Variants in GRIK2 observed in about 807,000 individuals in gnomAD.
GRIK2 encodes the protein glutamate receptor ionotropic, kainate 2.
In GRIK2, 32 loss-of-function variants were observed where a neutral mutation model predicts 100.3. The ratio of observed to expected loss-of-function variants is 0.32; its 90% confidence interval spans 0.24 to 0.43. The LOEUF (loss-of-function observed/expected upper bound fraction) is 0.43, where lower values mean the gene tolerates loss of function less well. GRIK2 is among the 20% of genes least tolerant of loss of function. The pLI, the probability that GRIK2 is intolerant of heterozygous loss-of-function variation, is 1.00. For synonymous variants in GRIK2, 417 were observed against 389.4 expected, an observed-to-expected ratio of 1.07 and a Z score of -0.83; for missense variants, 843 against 1,114.9, an observed-to-expected ratio of 0.76 and a Z score of 3.47.
intron 14 of GRIK2, among the ~76,000 whole-genome samples, chr6:102,017,472 T>C (rs1769173205): frequency 6.6e-6 from 1 of 152,104 alleles, no homozygotes; most frequent in Admixed American, 6.6e-5. Flanking sequence ...CAATTGCATA[T>C]GATATTCCTA....
chr6:101,489,129 G>A (rs1772975543), intron 2 of GRIK2, among the ~76,000 whole-genome samples: 1 of 146,336 alleles, frequency 6.8e-6, no homozygotes, highest in Non-Finnish European at 1.5e-5. Flanking sequence ...CCATTCTGCT[G>A]TTTTTCAAAT....
intron 12 of GRIK2, among the ~76,000 whole-genome samples, chr6:101,901,863 T>C (rs1405655469): frequency 6.6e-6 from 1 of 151,986 alleles, no homozygotes; most frequent in Non-Finnish European, 1.5e-5. Flanking sequence ...CACTAAGCCT[T>C]TCAAATTCAT....
intron 14 of GRIK2, among the ~76,000 whole-genome samples, chr6:102,018,771 T>C (rs1282420237): frequency 6.6e-6 from 1 of 152,070 alleles, no homozygotes; most frequent in African/African-American, 2.4e-5. Context: ...TGGTAAGACA[T>C]AATAAAGACT....
At chr6:101,851,458 T>A (rs183784388) in intron 10 of GRIK2, among the ~76,000 whole-genome samples, 1 of 152,098 alleles carries the variant, frequency 6.6e-6, no homozygotes, top group Admixed American at 6.6e-5. Flanking sequence ...AAAAAGTACT[T>A]AGGAATATAA....
chr6:101,833,096 TTTTTC>T lies in GRIK2; in HGVS notation c.1317+14616_1317+14620del, dbSNP rs546415056. 9.8e-5 allele frequency among the ~76,000 whole-genome samples: 15 copies of T among 152,332 alleles called. 1 individual carries two copies. Among genetic ancestry groups the T allele is most frequent in the Middle Eastern group, 6.8e-3 (2 of 294 alleles). ...TAGAAAAATATCTTATTTTTGAATT[TTTTTC>T]TTATCTTGAGTCAATTTATGGAAAT... On this transcript the variant is annotated intron_variant, in intron 10 of 16. Transcript: ENST00000369134.
chr6:101,562,550 C>T (rs531281626), intron 2 of GRIK2, among the ~76,000 whole-genome samples: 24 of 152,008 alleles, frequency 1.6e-4, no homozygotes, highest in African/African-American at 5.5e-4. Context: ...TTCATGTTGG[C>T]CAGGCTGGTC....
chr6:101,854,048 C>T (rs1308414188), intron 10 of GRIK2, among the ~76,000 whole-genome samples: 2 of 152,068 alleles, frequency 1.3e-5, no homozygotes, highest in African/African-American at 2.4e-5. Flanking sequence ...AAATAGACAA[C>T]ACCAAGAATG....
intron 10 of GRIK2, among the ~76,000 whole-genome samples, chr6:101,843,351 C>G (rs1398542248): frequency 6.6e-6 from 1 of 152,114 alleles, no homozygotes; most frequent in African/African-American, 2.4e-5. Context: ...CTTTCTTGCT[C>G]CACACTTTTC....
chr6:101,587,233 T>C (rs1778421187), intron 2 of GRIK2, among the ~76,000 whole-genome samples: 1 of 151,894 alleles, frequency 6.6e-6, no homozygotes, highest in African/African-American at 2.4e-5. Flanking sequence ...TAAGAGATGG[T>C]TTAAAGGGAC....
intron 14 of GRIK2, among the ~76,000 whole-genome samples, chr6:102,006,390 A>ATATATTTTTTTTTTTTTT (rs1315524835): frequency 8.8e-6 from 1 of 114,104 alleles, no homozygotes; most frequent in African/African-American, 4.6e-5. Flanking sequence ...ATATATATAT[A>ATATATTTTTTTTTTTTTT]TTTTTTTTTT....
At chr6:101,603,579 T>G (rs1410202215) in intron 2 of GRIK2, among the ~76,000 whole-genome samples, 1 of 151,800 alleles carries the variant, frequency 6.6e-6, no homozygotes, top group East Asian at 1.9e-4. Flanking sequence ...TGATTTAACA[T>G]GTTTTTGCTT....
At chr6:101,408,868 C>T (rs1365378806) in intron 2 of GRIK2, among the ~76,000 whole-genome samples, 1 of 152,064 alleles carries the variant, frequency 6.6e-6, no homozygotes, top group Non-Finnish European at 1.5e-5. Context: ...TAAAATTAAA[C>T]ATCACCCAGA....
At chr6:101,985,350 A>G (rs908580941) in intron 14 of GRIK2, among the ~76,000 whole-genome samples, 6 of 151,756 alleles carry the variant, frequency 4.0e-5, no homozygotes, top group Admixed American at 2.6e-4. Context: ...AAGCACCTCA[A>G]TATTAGGTCT....
intron 2 of GRIK2, among the ~76,000 whole-genome samples, chr6:101,509,101 T>A (rs1376973526): frequency 7.1e-6 from 1 of 141,058 alleles, no homozygotes; most frequent in Admixed American, 7.9e-5. Flanking sequence ...GAGCTTGCAG[T>A]GAGCCGAGAT....
At chr6:101,960,048 G>GTTTTTTTTTTTTTTTTTTTTTTTTTTT (rs3029100) in intron 14 of GRIK2, among the ~76,000 whole-genome samples, 2 of 118,266 alleles carry the variant, frequency 1.7e-5, no homozygotes, top group African/African-American at 7.1e-5. Flanking sequence ...TTTTTTTAGT[G>GTTTTTTTTTTTTTTTTTTTTTTTTTTT]TTTTGTTTTT....
chr6:102,028,357 TG>T (rs1229015731), intron 14 of GRIK2, among the ~76,000 whole-genome samples: 2 of 151,300 alleles, frequency 1.3e-5, no homozygotes, highest in African/African-American at 4.8e-5. Context: ...TCTTCTGAAC[TG>T]ATTTTATTGG....
In GRIK2 at chr6:101,638,144, C is replaced by T. The variant is rs369819713; in HGVS notation, c.541+11507C>T. On this transcript the variant is annotated intron_variant, in intron 4 of 16. Coordinates refer to ENST00000369134, the MANE Select transcript of GRIK2 (RefSeq NM_021956.5). ...GGTCATGGAAGCTCTAAATATCTTA[C>T]AATTTATTTACCTATTTATTCATTT... 2.6e-4 allele frequency among the ~76,000 whole-genome samples: 39 copies of T among 151,290 alleles called. No homozygotes were observed. In the East Asian group the frequency reaches 2.9e-3, roughly 11 times the overall value.
intron 2 of GRIK2, among the ~76,000 whole-genome samples, chr6:101,454,457 C>A (rs1488674346): frequency 2.0e-5 from 3 of 152,256 alleles, no homozygotes; most frequent in African/African-American, 2.4e-5. Flanking sequence ...ACATGCTAGA[C>A]CTTCCCGTCA....
At chr6:101,699,410 G>T (rs1475096559) in intron 7 of GRIK2, among the ~76,000 whole-genome samples, 1 of 152,038 alleles carries the variant, frequency 6.6e-6, no homozygotes, top group East Asian at 1.9e-4. Flanking sequence ...CTCTGAGTCT[G>T]CCCATAGTGG....
Sources: gnomAD v4.1 joint callset for allele counts (sites outside exome capture counted in the v4.1 genomes callset) on GRCh38, gnomAD v4.1.1 for gene constraint, MANE v1.5 for transcripts, NCBI Gene and HGNC (gene_info 2026-07-23, HGNC 2026-07-21) for gene names.